Variants in MAP2K5 observed in about 807,000 individuals in gnomAD.
MAP2K5 encodes dual specificity mitogen-activated protein kinase kinase 5.
MAP2K5 carries 49 observed loss-of-function variants against 83.1 expected under a neutral mutation model. That is an observed-to-expected ratio of 0.59 (90% confidence interval 0.47 to 0.75). The LOEUF (loss-of-function observed/expected upper bound fraction) is 0.75, where lower values mean the gene tolerates loss of function less well. Ranked by LOEUF, MAP2K5 falls within the 30% of genes least tolerant of loss-of-function variation. MAP2K5 has a pLI of 0.00. For synonymous variants in MAP2K5, 202 were observed against 191.8 expected (o/e 1.05, Z -0.44); for missense variants, 457 against 557.5 (o/e 0.82, Z 1.82).
chr15:67,709,980 TG>T (rs1006853637), intron 16 of MAP2K5, among the ~76,000 whole-genome samples: 1 of 152,216 alleles, frequency 6.6e-6, no homozygotes, highest in Non-Finnish European at 1.5e-5. Context: ...TTAAGGTTGA[TG>T]GTGAATAATC....
chr15:67,766,865 C>T (rs1246832332), intron 19 of MAP2K5, among the ~76,000 whole-genome samples: 2 of 152,184 alleles, frequency 1.3e-5, no homozygotes, highest in African/African-American at 4.8e-5. Flanking sequence ...TTATGTGTGG[C>T]ATTCTCACCA....
At chr15:67,592,117 T>TC (rs1465179254) in intron 6 of MAP2K5, among the ~76,000 whole-genome samples, 1 of 4,526 alleles carries the variant, frequency 2.2e-4, no homozygotes, top group African/African-American at 5.7e-4. Context: ...AAACTATGTC[T>TC]CAAAAAAAAA....
intron 16 of MAP2K5, among the ~76,000 whole-genome samples, chr15:67,726,662 G>T (rs1354451652): frequency 1.3e-5 from 2 of 152,184 alleles, no homozygotes; most frequent in African/African-American, 4.8e-5. Context: ...CTTAGGGTCA[G>T]TTCCTAGGCT....
At chr15:67,767,465 C>T (rs1818476045) in intron 19 of MAP2K5, among the ~76,000 whole-genome samples, 1 of 152,174 alleles carries the variant, frequency 6.6e-6, no homozygotes, top group Non-Finnish European at 1.5e-5. Flanking sequence ...TTCAGTACTA[C>T]ACCCTCAAAA....
rs572850064 is a variant in MAP2K5, at chr15:67,728,094, T to A, written c.1074+149T>A. The A allele has an allele frequency of 4.0e-5, 29 of 733,090 alleles. No homozygotes were observed. The East Asian group carries it at 6.7e-4, about 17-fold the overall frequency. 45.4% of individuals were successfully genotyped at this position (733,090 alleles called of 1,614,324 possible). ...GTATCTTAAAGGGTTCATTTAGAAA[T>A]CTCTATTGATTTTTGATTTTTTTAA... On this transcript the variant is annotated intron_variant, in intron 17 of 21. Transcript: ENST00000178640.
At chr15:67,743,384 A>G (rs1290133414) in intron 17 of MAP2K5, among the ~76,000 whole-genome samples, 2 of 152,240 alleles carry the variant, frequency 1.3e-5, no homozygotes, top group Non-Finnish European at 2.9e-5. Context: ...AGGCTGATGA[A>G]CAGGGGAGAT....
rs950959660 is a variant in MAP2K5, at chr15:67,698,564, T to C, written c.973-4773T>C. Among the ~76,000 whole-genome samples, 9 of 152,200 alleles carry C rather than the reference T, an allele frequency of 5.9e-5. No individual in the cohort carries two copies. The highest frequency in any genetic ancestry group is 9.6e-5 in the African/African-American group (4 of 41,462). On this transcript the variant is annotated intron_variant, in intron 15 of 21. Transcript: ENST00000178640. This position sits in a 1 kb window ranked among gnomAD's most constrained non-coding sequence, Gnocchi z 4.5. Reference sequence around the variant, plus strand: ...CCTAAAACTTTAACCAACTATTCAGTCTTCCTGGCTTACTATCATTTTAAA... The same window carrying C: ...CCTAAAACTTTAACCAACTATTCAGCCTTCCTGGCTTACTATCATTTTAAA...
rs556959635 is a variant in MAP2K5, at chr15:67,579,454, G to A, written c.253-1300G>A. On this transcript the variant is annotated intron_variant, in intron 3 of 21. Coordinates refer to ENST00000178640, the MANE Select transcript of MAP2K5 (RefSeq NM_145160.3). ...TCCTGAAAGACATTTGCCTTAGTAT[G>A]TATTCCAGAGAGTGTTTCACATGTT... Among the ~76,000 whole-genome samples the A allele has an allele frequency of 2.0e-5, 3 of 152,274 alleles. No individual in the cohort carries two copies. In the South Asian group the frequency reaches 6.2e-4, roughly 32 times the overall value.
In MAP2K5 at chr15:67,738,359, T is replaced by C. The variant is rs1411791063; in HGVS notation, c.1075-9872T>C. On this transcript the variant is annotated intron_variant, in intron 17 of 21. Transcript: ENST00000178640. The surrounding 1 kb of genome is among the most constrained non-coding windows in gnomAD (Gnocchi z 4.1). ...AAAAGAAAGTTCCTGGCCAAAGGCCTCCTTCCAGGCCCTGCTCTTTGGATA... is the reference window on the plus strand; with the variant it reads ...AAAAGAAAGTTCCTGGCCAAAGGCCCCCTTCCAGGCCCTGCTCTTTGGATA... Among the ~76,000 whole-genome samples, 1 of 152,240 alleles carries C rather than the reference T, an allele frequency of 6.6e-6. No homozygotes were observed. Among genetic ancestry groups the C allele is most frequent in the Admixed American group, 6.5e-5 (1 of 15,292 alleles).
chr15:67,658,520 A>G (rs749536047), intron 11 of MAP2K5, 33 bp from the exon 12 acceptor site: 1 of 1,554,512 alleles, frequency 6.4e-7, no homozygotes, highest in Admixed American at 1.7e-5. Context: ...TGGTAATTTC[A>G]TTTGTAGTAA....
intron 4 of MAP2K5, among the ~76,000 whole-genome samples, chr15:67,582,740 G>C (rs935503353): frequency 3.9e-5 from 6 of 151,996 alleles, no homozygotes; most frequent in African/African-American, 9.7e-5. Context: ...AGGATGGCTT[G>C]AGCCCAAGAG....
chr15:67,693,652 T>A, intron 15 of MAP2K5, 84 bp downstream of exon 15: 1 of 1,013,376 alleles, frequency 9.9e-7, no homozygotes, highest in Non-Finnish European at 1.5e-6. Flanking sequence ...TTGAATTAAT[T>A]CCACAGCTTT....
intron 16 of MAP2K5, among the ~76,000 whole-genome samples, chr15:67,716,481 A>G (rs183537483): frequency 2.8e-4 from 42 of 152,378 alleles, no homozygotes; most frequent in Admixed American, 2.6e-4. Context: ...TTCTGAGTCT[A>G]TGATAATTTT....
At chr15:67,544,307 AAAGT>A (rs2084351974) in intron 1 of MAP2K5, among the ~76,000 whole-genome samples, 1 of 152,246 alleles carries the variant, frequency 6.6e-6, no homozygotes, top group Non-Finnish European at 1.5e-5. Context: ...AGAGACGGTA[AAAGT>A]AAGGGAAAAT....
chr15:67,583,988 A>G (rs2085238481), intron 4 of MAP2K5, among the ~76,000 whole-genome samples: 1 of 151,952 alleles, frequency 6.6e-6, no homozygotes, highest in African/African-American at 2.4e-5. Context: ...AGCTCAAGCA[A>G]TCCTCCCACC....
intron 21 of MAP2K5, among the ~76,000 whole-genome samples, chr15:67,789,715 C>CA (rs980717639): frequency 4.3e-4 from 56 of 129,572 alleles, no homozygotes; most frequent in Admixed American, 6.2e-4. Context: ...AACTCTGTTT[C>CA]AAAAAAAAAA....
intron 6 of MAP2K5, among the ~76,000 whole-genome samples, chr15:67,590,446 C>CCTCTCTCTCTCTCTCTCTCTCTCTCTCT (rs57701485): frequency 3.3e-5 from 1 of 30,540 alleles, no homozygotes; most frequent in African/African-American, 1.2e-4. Flanking sequence ...TCCCTCCCTC[C>CCTCTCTCTCTCTCTCTCTCTCTCTCTCT]CTCTCTCTCT....
Position 67,668,146 on chromosome 15 carries a change from G to A in MAP2K5, c.847+3501G>A, listed in dbSNP as rs551446214. Among the ~76,000 whole-genome samples, 91 of 152,248 alleles carry A rather than the reference G, an allele frequency of 6.0e-4. No individual in the cohort carries two copies. The highest frequency in any genetic ancestry group is 1.1e-3 in the Non-Finnish European group (74 of 68,006). On this transcript the variant is annotated intron_variant, in intron 13 of 21. Coordinates refer to ENST00000178640, the MANE Select transcript of MAP2K5 (RefSeq NM_145160.3). This position sits in a 1 kb window ranked among gnomAD's most constrained non-coding sequence, Gnocchi z 4.0. ...TTTTTAAGATTTGGTTGAGATATAT[G>A]TGCAGGGACTTTATAAACTATTGAA...
rs528532004 is a variant in MAP2K5, at chr15:67,748,304, T to C, written c.1101+47T>C. ...AAAAATTCACTTTTCTTTTTCCTGA[T>C]GGCTGCTTCCTTTGCATGCTTGAAT... On this transcript the variant is annotated intron_variant, in intron 18 of 21. Transcript: ENST00000178640. This position sits in a 1 kb window ranked among gnomAD's most constrained non-coding sequence, Gnocchi z 4.0. 59 of 1,487,986 alleles carry C rather than the reference T, an allele frequency of 4.0e-5. 1 individual carries two copies. The South Asian group carries it at 6.7e-4, about 17-fold the overall frequency. The allele number at this position is 1,487,986 out of a possible 1,614,324, so 92.2% of individuals were successfully genotyped here.
Sources: allele counts gnomAD v4.1 joint callset (sites outside exome capture counted in the v4.1 genomes callset), GRCh38; gene constraint gnomAD v4.1.1; non-coding constraint Gnocchi (gnomAD v3.1); transcripts MANE v1.5; gene names NCBI Gene and HGNC (gene_info 2026-07-23, HGNC 2026-07-21).